Variants in PMEPA1 observed in about 807,000 individuals in gnomAD.
The protein encoded by PMEPA1 is protein TMEPAI.
A neutral mutation model predicts 23.0 loss-of-function variants in PMEPA1; 11 were observed. The observed-to-expected ratio is 0.48, with a 90% CI of 0.30 to 0.79. The LOEUF (loss-of-function observed/expected upper bound fraction) is 0.79, where lower values mean the gene tolerates loss of function less well. Among genes scored for constraint, PMEPA1 ranks in the 30% least tolerant of loss-of-function variants. The pLI is 0.06. For synonymous variants in PMEPA1, 204 were observed against 166.4 expected (o/e 1.23, Z -1.74); for missense variants, 377 against 390.9 (o/e 0.96, Z 0.30).
chr20:57,705,430 G>A (rs2072068478), intron 1 of PMEPA1, among the ~76,000 whole-genome samples: 1 of 152,184 alleles, frequency 6.6e-6, no homozygotes, highest in Non-Finnish European at 1.5e-5. Flanking sequence ...GGTTTAGCGG[G>A]TCCACAGGGG....
At position 57,682,853 on chromosome 20, in the gene PMEPA1, G is replaced by A. The variant is rs1301413824; in HGVS notation, c.110-23156C>T. On this transcript the variant is annotated intron_variant, in intron 1 of 3. Coordinates refer to ENST00000341744, the MANE Select transcript of PMEPA1 (RefSeq NM_020182.5). This position sits in a 1 kb window ranked among gnomAD's most constrained non-coding sequence, Gnocchi z 4.4. Reference sequence around the variant, plus strand: ...GAAGGCGGCTCGCCAGATTTGTTTCGAATTATGAAAATAGATGTTGTCTCC... The same window carrying A: ...GAAGGCGGCTCGCCAGATTTGTTTCAAATTATGAAAATAGATGTTGTCTCC... Among the ~76,000 whole-genome samples the A allele has an allele frequency of 1.3e-5, 2 of 152,188 alleles. No individual in the cohort carries two copies. Among genetic ancestry groups the A allele is most frequent in the Admixed American group, 6.5e-5 (1 of 15,278 alleles).
chr20:57,672,901 G>A (rs150817019), intron 1 of PMEPA1, among the ~76,000 whole-genome samples: 23 of 152,332 alleles, frequency 1.5e-4, no homozygotes, highest in Non-Finnish European at 1.3e-4. Flanking sequence ...TCTGTGCCTC[G>A]GTTTCCACAT....
intron 1 of PMEPA1, among the ~76,000 whole-genome samples, chr20:57,707,164 T>G (rs1049101728): frequency 1.3e-5 from 2 of 152,134 alleles, no homozygotes; most frequent in Non-Finnish European, 2.9e-5. Flanking sequence ...ACTCCCAGCA[T>G]GTACTAGATG....
intron 1 of PMEPA1, chr20:57,700,147 T>G (rs1173782009): frequency 6.4e-6 from 3 of 471,508 alleles, no homozygotes; most frequent in Non-Finnish European, 1.3e-5. Flanking sequence ...CTTCCACTCC[T>G]GATGCTGATG....
intron 1 of PMEPA1, among the ~76,000 whole-genome samples, chr20:57,669,069 A>G (rs374338212): frequency 1.3e-5 from 2 of 152,152 alleles, no homozygotes; most frequent in Non-Finnish European, 2.9e-5. Context: ...CTCATTCTCC[A>G]TGGTGTCCTC....
chr20:57,707,637 G>A (rs1386732200), intron 1 of PMEPA1, among the ~76,000 whole-genome samples: 1 of 148,308 alleles, frequency 6.7e-6, no homozygotes, highest in East Asian at 2.0e-4. Flanking sequence ...ACAGAAATAA[G>A]AACAATGCTT....
chr20:57,673,134 TTGGCCGCCAGCACCC>T (rs990937183), intron 1 of PMEPA1, among the ~76,000 whole-genome samples: 43 of 152,166 alleles, frequency 2.8e-4, no homozygotes, highest in African/African-American at 9.9e-4. Context: ...TCCAAGCCTC[TTGGCCGCCAGCACCC>T]TGGCCGCACT....
At chr20:57,695,759 C>G (rs2071935883) in intron 1 of PMEPA1, among the ~76,000 whole-genome samples, 1 of 152,188 alleles carries the variant, frequency 6.6e-6, no homozygotes, top group African/African-American at 2.4e-5. Flanking sequence ...CTCAACTTAC[C>G]CATCTGCAAG....
upstream of PMEPA1, chr20:57,710,779 T>A (rs540608282): frequency 3.7e-5 from 13 of 352,586 alleles, no homozygotes; most frequent in South Asian, 1.5e-3. Context: ...GTTCATTAAG[T>A]TTTAATTACA....
In PMEPA1 at chr20:57,709,711, C is replaced by T; in HGVS notation, c.-129G>A. The T allele has an allele frequency of 1.0e-6, 1 of 978,254 alleles. No individual in the cohort carries two copies. The highest frequency in any genetic ancestry group is 1.2e-6 in the Non-Finnish European group (1 of 827,006). The allele number at this position is 978,254 out of a possible 1,614,324, so 60.6% of individuals were successfully genotyped here. A position where few individuals can be genotyped will look rare whatever the true frequency, so the allele number is the denominator to read the frequency against. ...GCGGGGGAGGCGCGCCCCGGCTCGCCGGGCTCGGGTCGCCGCCAAGTTCCC... is the reference window on the plus strand; with the variant it reads ...GCGGGGGAGGCGCGCCCCGGCTCGCTGGGCTCGGGTCGCCGCCAAGTTCCC... On this transcript the variant is annotated 5_prime_UTR_variant, in exon 1 of 4. Transcript: ENST00000341744.
intron 1 of PMEPA1, among the ~76,000 whole-genome samples, chr20:57,699,071 C>T (rs1366587986): frequency 6.6e-6 from 1 of 152,196 alleles, no homozygotes; most frequent in Non-Finnish European, 1.5e-5. Context: ...AATTCTGAGC[C>T]TCCCTAAAGG....
upstream of PMEPA1, chr20:57,710,060 G>T: frequency 1.0e-6 from 1 of 996,668 alleles, no homozygotes; most frequent in South Asian, 4.5e-5. Context: ...GCGGGGGCCG[G>T]GGAGGGGGCG....
At chr20:57,668,342 T>A (rs1568969617) in intron 1 of PMEPA1, among the ~76,000 whole-genome samples, 1 of 152,344 alleles carries the variant, frequency 6.6e-6, no homozygotes, top group South Asian at 2.1e-4. Context: ...CCATTTGCTG[T>A]GACCTTCAGT....
chr20:57,702,392 T>A (rs536471106), intron 1 of PMEPA1, among the ~76,000 whole-genome samples: 67 of 152,358 alleles, frequency 4.4e-4, no homozygotes, highest in Admixed American at 2.1e-3. Context: ...CAGCTCCTCA[T>A]GCAGCCTGAC....
chr20:57,655,501 G>A lies in PMEPA1; in HGVS notation c.265-2415C>T, dbSNP rs1268490506. 6.6e-6 allele frequency among the ~76,000 whole-genome samples: 1 copy of A among 152,216 alleles called. No individual in the cohort carries two copies. On this transcript the variant is annotated intron_variant, in intron 2 of 3. Coordinates refer to ENST00000341744, the MANE Select transcript of PMEPA1 (RefSeq NM_020182.5). This position sits in a 1 kb window ranked among gnomAD's most constrained non-coding sequence, Gnocchi z 4.2. ...TGCTACTTAAGTGCGGAAGTTGCTG[G>A]GTGACCCGTGCAAGTCATCTTTGTG...
chr20:57,681,844 G>T (rs1053689717), intron 1 of PMEPA1, among the ~76,000 whole-genome samples: 1 of 151,978 alleles, frequency 6.6e-6, no homozygotes, highest in African/African-American at 2.4e-5. Context: ...TCACCCTCTC[G>T]GCTTCTCCTC....
intron 1 of PMEPA1, among the ~76,000 whole-genome samples, chr20:57,681,381 C>T (rs572514524): frequency 3.3e-5 from 5 of 152,274 alleles, no homozygotes; most frequent in Admixed American, 1.3e-4. Context: ...GAGCCCTGTG[C>T]GAGGCAACCA....
At chr20:57,661,781 C>G (rs1016313287) in intron 1 of PMEPA1, among the ~76,000 whole-genome samples, 3 of 152,228 alleles carry the variant, frequency 2.0e-5, no homozygotes, top group African/African-American at 4.8e-5. Flanking sequence ...AGCAGCCCAT[C>G]CTAGGTGGGA....
chr20:57,679,858 T>C (rs2071688540), intron 1 of PMEPA1, among the ~76,000 whole-genome samples: 1 of 152,082 alleles, frequency 6.6e-6, no homozygotes, highest in African/African-American at 2.4e-5. Flanking sequence ...TAGAAGCCCC[T>C]AAAATGGGTC....
Sources: allele counts gnomAD v4.1 joint callset (sites outside exome capture counted in the v4.1 genomes callset), GRCh38; gene constraint gnomAD v4.1.1; non-coding constraint Gnocchi (gnomAD v3.1); transcripts MANE v1.5; gene names NCBI Gene and HGNC (gene_info 2026-07-23, HGNC 2026-07-21).